The following TPH2 variants were observed in gnomAD, a reference collection of about 807,000 sequenced individuals.
TPH2 encodes tryptophan 5-hydroxylase 2.
Under a neutral mutation model 59.1 loss-of-function variants are expected in TPH2, and 27 were observed. The observed-to-expected ratio is 0.46, with a 90% confidence interval of 0.34 to 0.63. TPH2 has a LOEUF of 0.63. Ranked by LOEUF, TPH2 falls within the 30% of genes least tolerant of loss-of-function variation. The pLI, the probability that TPH2 is intolerant of heterozygous loss-of-function variation, is 0.01. For missense variants in TPH2, 523 were observed against 588.3 expected (o/e 0.89, Z 1.15); for synonymous variants, 220 against 210.5 (o/e 1.05, Z -0.39).
chr12:72,031,303 A>C lies in TPH2; in HGVS notation c.1210A>C (p.Thr404Pro). The change falls in exon 10 of 11, where the codon ACA becomes CCA. Residue 404 changes from threonine to proline, a missense_variant. Transcript: ENST00000333850. ...KACVKAFDPK[T>P]TCLQECLITT... is the part of the protein sequence containing the mutation. ...ATGTGTGAAAGCCTTTGACCCAAAGACAACTTGCTTACAGGAATGCCTTAT... is the reference window on the plus strand; with the variant it reads ...ATGTGTGAAAGCCTTTGACCCAAAGCCAACTTGCTTACAGGAATGCCTTAT... The C allele has an allele frequency of 3.7e-6, 6 of 1,613,726 alleles. No homozygotes were observed. The highest frequency in any genetic ancestry group is 5.1e-6 in the Non-Finnish European group (6 of 1,179,648).
chr12:71,969,557 C>T (rs1871915464), intron 5 of TPH2, among the ~76,000 whole-genome samples: 1 of 152,176 alleles, frequency 6.6e-6, no homozygotes, highest in Admixed American at 6.5e-5. Flanking sequence ...TAAAACCTCA[C>T]AGTCTTACTG....
intron 5 of TPH2, among the ~76,000 whole-genome samples, chr12:71,951,689 T>A (rs894878007): frequency 2.1e-4 from 29 of 140,394 alleles, no homozygotes; most frequent in African/African-American, 7.6e-4. Flanking sequence ...GTTTTATGTA[T>A]GTGTGTGTGT....
rs770791032 is a variant in TPH2 at position 71,972,722 on chromosome 12, T to C, written c.805+7T>C. 1 of 1,613,100 alleles carries C rather than the reference T, an allele frequency of 6.2e-7. No homozygotes were observed. The highest frequency in any genetic ancestry group is 8.5e-7 in the Non-Finnish European group (1 of 1,179,864). The stretch of plus-strand genomic sequence containing the variant: ...GTCTCCATGTTTCTGAAAGGTAAGA[T>C]TTCACACAGGCTGTCTCTTATTAGT... On this transcript the variant is annotated splice_region_variant and intron_variant, in intron 6 of 10. Transcript: ENST00000333850.
intron 8 of TPH2, among the ~76,000 whole-genome samples, chr12:71,995,059 T>A (rs4760754): frequency 1.3e-5 from 2 of 151,962 alleles, no homozygotes; most frequent in Non-Finnish European, 1.5e-5. Flanking sequence ...AAACTCTCTC[T>A]GATTATTCTA....
intron 8 of TPH2, among the ~76,000 whole-genome samples, chr12:72,001,257 T>C (rs1046211063): frequency 6.6e-6 from 1 of 152,128 alleles, no homozygotes; most frequent in African/African-American, 2.4e-5. Flanking sequence ...ATCTCAGTAA[T>C]GCTGATGAGA....
At chr12:71,953,419 A>T (rs1871407205) in intron 5 of TPH2, among the ~76,000 whole-genome samples, 1 of 151,996 alleles carries the variant, frequency 6.6e-6, no homozygotes, top group Non-Finnish European at 1.5e-5. Context: ...TGTGCCTGCC[A>T]TGGTGCTGGT....
chr12:71,938,957 C>A lies in TPH2; in HGVS notation c.-30C>A, dbSNP rs367987166. The A allele has an allele frequency of 2.5e-6, 4 of 1,582,146 alleles. No individual in the cohort carries two copies. Among genetic ancestry groups the A allele is most frequent in the Non-Finnish European group, 3.5e-6 (4 of 1,151,274 alleles). ...GCTACTGCCCCTCTAGTACCCCCTG[C>A]TGCAGAGAAAGAATATTACACCGGG... On this transcript the variant is annotated 5_prime_UTR_variant, in exon 1 of 11. The change creates a new upstream start codon in the 5' untranslated region. Coordinates refer to ENST00000333850, the MANE Select transcript of TPH2 (RefSeq NM_173353.4).
intron 5 of TPH2, chr12:71,965,374 A>G (rs996865549): frequency 6.6e-6 from 1 of 152,208 alleles, no homozygotes; most frequent in Non-Finnish European, 1.5e-5. Flanking sequence ...GCTTTCCACA[A>G]TGGTTGAACT....
intron 2 of TPH2, among the ~76,000 whole-genome samples, chr12:71,942,592 A>C (rs1871102852): frequency 6.6e-6 from 1 of 152,172 alleles, no homozygotes; most frequent in African/African-American, 2.4e-5. Flanking sequence ...ACTAGCTGCT[A>C]CTTAGGTTCA....
intron 6 of TPH2, among the ~76,000 whole-genome samples, chr12:71,973,571 G>A (rs1592393621): frequency 6.6e-6 from 1 of 152,156 alleles, no homozygotes; most frequent in African/African-American, 2.4e-5. Flanking sequence ...TCCATTCCTT[G>A]TTTAGCATAT....
At chr12:72,013,860 T>C (rs1255632540) in intron 8 of TPH2, among the ~76,000 whole-genome samples, 1 of 152,078 alleles carries the variant, frequency 6.6e-6, no homozygotes, top group Non-Finnish European at 1.5e-5. Context: ...AGCTCTAAGT[T>C]TCTAGCATTT....
chr12:71,982,595 C>T (rs1163226004), intron 7 of TPH2, among the ~76,000 whole-genome samples: 1 of 152,244 alleles, frequency 6.6e-6, no homozygotes, highest in Non-Finnish European at 1.5e-5. Flanking sequence ...AGGGCTGTTT[C>T]CTGCCCAAGC....
chr12:72,001,344 A>G (rs1160022243), intron 8 of TPH2, among the ~76,000 whole-genome samples: 1 of 152,184 alleles, frequency 6.6e-6, no homozygotes, highest in African/African-American at 2.4e-5. Context: ...AGCCTTATGA[A>G]ATGGCATTAT....
At chr12:71,977,448 T>TACACACTAC (rs562073013) in intron 6 of TPH2, among the ~76,000 whole-genome samples, 3 of 149,916 alleles carry the variant, frequency 2.0e-5, no homozygotes, top group Non-Finnish European at 4.5e-5. Flanking sequence ...GTGCTCTTAC[T>TACACACTAC]ACACACACAC....
At chr12:71,984,575 TAA>T (rs1260239102) in intron 7 of TPH2, among the ~76,000 whole-genome samples, 4 of 152,236 alleles carry the variant, frequency 2.6e-5, no homozygotes, top group Non-Finnish European at 5.9e-5. Context: ...GCTGGGAGGA[TAA>T]ACCAGAGCTT....
chr12:72,015,257 C>T (rs1873210112), intron 8 of TPH2, among the ~76,000 whole-genome samples: 1 of 149,510 alleles, frequency 6.7e-6, no homozygotes, highest in Admixed American at 6.7e-5. Context: ...TTAGTAAAAA[C>T]ACTGTGAAAG....
intron 5 of TPH2, among the ~76,000 whole-genome samples, chr12:71,969,717 G>A (rs1261157660): frequency 3.3e-5 from 5 of 152,148 alleles, no homozygotes; most frequent in African/African-American, 1.2e-4. Context: ...AAAATAAGTT[G>A]GGATGTGAAA....
intron 7 of TPH2, among the ~76,000 whole-genome samples, chr12:71,987,755 G>A (rs909156162): frequency 1.3e-4 from 20 of 152,266 alleles, no homozygotes; most frequent in African/African-American, 4.6e-4. Flanking sequence ...GGCGGGCTGA[G>A]GCAGGAGAAT....
chr12:71,971,931 G>T (rs757574661), intron 5 of TPH2, among the ~76,000 whole-genome samples: 1 of 152,110 alleles, frequency 6.6e-6, no homozygotes, highest in Non-Finnish European at 1.5e-5. Context: ...AATTGAGGGG[G>T]CTTAATGTGT....
Sources: allele counts gnomAD v4.1 joint callset (sites outside exome capture counted in the v4.1 genomes callset), GRCh38; gene constraint gnomAD v4.1.1; transcripts MANE v1.5; gene names NCBI Gene and HGNC (gene_info 2026-07-23, HGNC 2026-07-21).